The following SMOC1 variants were observed in gnomAD, a reference collection of about 807,000 sequenced individuals.
SMOC1 encodes the protein SPARC-related modular calcium-binding protein 1.
SMOC1 carries 22 observed loss-of-function variants against 56.3 expected under a neutral mutation model. The ratio of observed to expected loss-of-function variants is 0.39; its 90% CI spans 0.28 to 0.56. The LOEUF (loss-of-function observed/expected upper bound fraction) is 0.56. Among genes scored for constraint, SMOC1 ranks in the 20% least tolerant of loss-of-function variants. The pLI is 0.61. For missense variants in SMOC1, 509 were observed against 565.4 expected, an observed-to-expected ratio of 0.90 and a Z score of 1.01; for synonymous variants, 193 against 215.0, an observed-to-expected ratio of 0.90 and a Z score of 0.89.
intron 1 of SMOC1, among the ~76,000 whole-genome samples, chr14:69,883,614 A>G (rs1883706349): frequency 6.6e-6 from 1 of 152,182 alleles, no homozygotes. Flanking sequence ...TCTTCAACAT[A>G]CTGATTTCAT....
chr14:69,977,964 AG>A lies in SMOC1; in HGVS notation c.526+1del, dbSNP rs1489878841. Reference sequence around the variant, plus strand: ...TGAGCCAGGGTAACTCAGGAAGGAAAGGTGAGTGGAGTTTTATGCTTTATCT... The same window carrying A: ...TGAGCCAGGGTAACTCAGGAAGGAAAGTGAGTGGAGTTTTATGCTTTATCT... Reference protein sequence around the residue: ...PLSQGNSGRKDDGSKPTPTME... With the variant: ...PLSQGNSGRKXDGSKPTPTME... On this transcript the variant is annotated frameshift_variant and splice_region_variant, in exon 5 of 12. Coordinates refer to ENST00000361956, the MANE Select transcript of SMOC1 (RefSeq NM_001034852.3). LOFTEE classifies it high-confidence loss of function. The A allele has an allele frequency of 6.2e-7, 1 of 1,613,318 alleles. No homozygotes were observed.
At chr14:69,949,950 C>A (rs901773877) in intron 1 of SMOC1, among the ~76,000 whole-genome samples, 1 of 152,160 alleles carries the variant, frequency 6.6e-6, no homozygotes, top group African/African-American at 2.4e-5. Flanking sequence ...CGTCAGCTCA[C>A]CCCTCTTCTG....
In SMOC1 at chr14:69,879,627, C is replaced by T; in HGVS notation, c.-52C>T. On this transcript the variant is annotated 5_prime_UTR_variant, in exon 1 of 12. Coordinates refer to ENST00000361956, the MANE Select transcript of SMOC1 (RefSeq NM_001034852.3). ...AGGAAGGGAGGCGCGCTGTGCGCCCCGCGGAGCCCGCGAACCCCGCTCGCT... is the reference window on the plus strand; with the variant it reads ...AGGAAGGGAGGCGCGCTGTGCGCCCTGCGGAGCCCGCGAACCCCGCTCGCT... 2.2e-6 allele frequency: 3 copies of T among 1,362,472 alleles called. No homozygotes were observed. The highest frequency in any genetic ancestry group is 2.9e-6 in the Non-Finnish European group (3 of 1,051,088). 84.4% of individuals were successfully genotyped at this position (1,362,472 alleles called of 1,614,324 possible). A position where few individuals can be genotyped will look rare whatever the true frequency, so the allele number is the denominator to read the frequency against.
intron 7 of SMOC1, among the ~76,000 whole-genome samples, chr14:70,005,914 G>A (rs1471437104): frequency 6.6e-6 from 1 of 152,048 alleles, no homozygotes; most frequent in Non-Finnish European, 1.5e-5. Context: ...TTCTAATCTT[G>A]TCATCTTTCC....
intron 1 of SMOC1, among the ~76,000 whole-genome samples, chr14:69,928,606 G>A (rs900948183): frequency 1.2e-5 from 1 of 85,054 alleles, no homozygotes; most frequent in Non-Finnish European, 2.6e-5. Context: ...CTACTTTAGA[G>A]GTGCTCATTG....
intron 1 of SMOC1, among the ~76,000 whole-genome samples, chr14:69,949,009 C>T (rs1882896615): frequency 6.6e-6 from 1 of 152,160 alleles, no homozygotes; most frequent in African/African-American, 2.4e-5. Context: ...AAGGACTTCA[C>T]AAAGTCAAAA....
chr14:69,977,072 C>T (rs1012954497), intron 4 of SMOC1, among the ~76,000 whole-genome samples: 7 of 152,144 alleles, frequency 4.6e-5, no homozygotes, highest in African/African-American at 1.2e-4. Context: ...AGCAAACAAA[C>T]GACTAGAAAC....
At chr14:69,898,548 C>T (rs1266610336) in intron 1 of SMOC1, among the ~76,000 whole-genome samples, 6 of 151,954 alleles carry the variant, frequency 3.9e-5, no homozygotes, top group African/African-American at 1.5e-4. Flanking sequence ...AGATTCTTTC[C>T]TCTGCCATGT....
chr14:69,937,684 C>T (rs1025611518), intron 1 of SMOC1, among the ~76,000 whole-genome samples: 12 of 152,162 alleles, frequency 7.9e-5, no homozygotes, highest in Non-Finnish European at 2.9e-5. Context: ...ACCGCCAGTC[C>T]CACACGGGCC....
intron 7 of SMOC1, among the ~76,000 whole-genome samples, chr14:70,008,165 T>C (rs1441803279): frequency 2.6e-5 from 4 of 152,166 alleles, no homozygotes; most frequent in Non-Finnish European, 5.9e-5. Context: ...GTTCTTACTC[T>C]GTGGGCCAGG....
intron 1 of SMOC1, among the ~76,000 whole-genome samples, chr14:69,905,365 G>A (rs1415628632): frequency 2.0e-5 from 3 of 152,188 alleles, no homozygotes; most frequent in Non-Finnish European, 4.4e-5. Flanking sequence ...TCAGGATGCT[G>A]TGATGTAGGT....
Position 69,946,368 on chromosome 14 carries a change from AAC to A in SMOC1, c.100-5766_100-5765del, listed in dbSNP as rs377426549. Among the ~76,000 whole-genome samples, 19 of 152,330 alleles carry A rather than the reference AAC, an allele frequency of 1.2e-4. 1 individual carries two copies. The highest frequency in any genetic ancestry group is 4.3e-4 in the African/African-American group (18 of 41,562). ...CATCCTACTTTACAAATGTGAACAA[AAC>A]ACAGAGTGTTTGGAGTCATCCACTC... On this transcript the variant is annotated intron_variant, in intron 1 of 11. Transcript: ENST00000361956.
intron 7 of SMOC1, among the ~76,000 whole-genome samples, chr14:70,009,894 A>T (rs1009791176): frequency 2.6e-5 from 4 of 152,222 alleles, no homozygotes; most frequent in Non-Finnish European, 4.4e-5. Flanking sequence ...AAAACCAGAA[A>T]AAAAAAGACA....
chr14:69,899,021 T>C lies in SMOC1; in HGVS notation c.99+19244T>C, dbSNP rs149977197. Among the ~76,000 whole-genome samples, 27 of 152,284 alleles carry C rather than the reference T, an allele frequency of 1.8e-4. 1 individual carries two copies. In the East Asian group the frequency reaches 5.2e-3, roughly 29 times the overall value. On this transcript the variant is annotated intron_variant, in intron 1 of 11. Transcript: ENST00000361956. ...CTGTGCCCTTGGGCTGTGAACTTCG[T>C]AAGTGCTTCTCAGTGTTTCCCCCTA...
intron 1 of SMOC1, among the ~76,000 whole-genome samples, chr14:69,938,716 T>C (rs1234478561): frequency 6.6e-6 from 1 of 152,200 alleles, no homozygotes; most frequent in East Asian, 1.9e-4. Flanking sequence ...TATAGGACAC[T>C]GATAAGGTCT....
chr14:70,006,896 T>C (rs1383325688), intron 7 of SMOC1, among the ~76,000 whole-genome samples: 4 of 152,190 alleles, frequency 2.6e-5, no homozygotes. Context: ...AAGCGAGAGC[T>C]GCAAGTCCTC....
chr14:69,945,891 C>T (rs1267909498), intron 1 of SMOC1, among the ~76,000 whole-genome samples: 1 of 152,154 alleles, frequency 6.6e-6, no homozygotes, highest in East Asian at 1.9e-4. Context: ...CTTCTCTACA[C>T]CCAGGAAAAA....
chr14:69,884,153 G>A (rs1358225504), intron 1 of SMOC1, among the ~76,000 whole-genome samples: 2 of 151,922 alleles, frequency 1.3e-5, no homozygotes, highest in South Asian at 2.1e-4. Flanking sequence ...TGATCCACCC[G>A]CCTCGGCCTC....
intron 11 of SMOC1, among the ~76,000 whole-genome samples, chr14:70,024,000 G>A (rs1453240951): frequency 6.6e-6 from 1 of 152,158 alleles, no homozygotes; most frequent in Non-Finnish European, 1.5e-5. Context: ...GAGTAGACAT[G>A]AAGCAGTGCA....
Sources: allele counts gnomAD v4.1 joint callset (sites outside exome capture counted in the v4.1 genomes callset), GRCh38; gene constraint gnomAD v4.1.1; transcripts MANE v1.5; gene names NCBI Gene and HGNC (gene_info 2026-07-23, HGNC 2026-07-21).